The following MAGI2 variants were observed in gnomAD, a reference collection of about 807,000 sequenced individuals.
MAGI2 encodes the protein membrane-associated guanylate kinase, WW and PDZ domain-containing protein 2.
A neutral mutation model predicts 133.3 loss-of-function variants in MAGI2; 35 were observed. The ratio of observed to expected loss-of-function variants is 0.26; its 90% confidence interval spans 0.20 to 0.35. MAGI2 has a LOEUF of 0.35. Among genes scored for constraint, MAGI2 ranks in the 10% least tolerant of loss-of-function variants. The pLI is 1.00. For synonymous variants in MAGI2, 729 were observed against 710.6 expected (o/e 1.03, Z -0.41); for missense variants, 1,636 against 1,863.4 (o/e 0.88, Z 2.25).
chr7:78,780,578 C>A (rs1013421804), intron 2 of MAGI2, among the ~76,000 whole-genome samples: 3 of 152,184 alleles, frequency 2.0e-5, no homozygotes, highest in Admixed American at 6.5e-5. Context: ...TAAAAGAAAA[C>A]AAAACCCCAT....
In MAGI2 at chr7:78,861,683, A is replaced by G. The variant is rs184690846; in HGVS notation, c.418+145407T>C. Among the ~76,000 whole-genome samples the G allele has an allele frequency of 7.2e-4, 110 of 152,310 alleles. 1 individual carries two copies. Among genetic ancestry groups the G allele is most frequent in the African/African-American group, 2.5e-3 (105 of 41,568 alleles). ...TAAAAATAATGATAATGGTCAGGGC[A>G]TTTTCACATGATTGTTTTAAGGATG... On this transcript the variant is annotated intron_variant, in intron 2 of 21. Transcript: ENST00000354212.
At chr7:79,380,568 C>T (rs927394329) in intron 1 of MAGI2, among the ~76,000 whole-genome samples, 9 of 151,784 alleles carry the variant, frequency 5.9e-5, no homozygotes, top group Non-Finnish European at 8.8e-5. Context: ...TGTTAATCAT[C>T]CTAGTGATTT....
chr7:78,737,857 G>T (rs908711463), intron 2 of MAGI2, among the ~76,000 whole-genome samples: 2 of 151,880 alleles, frequency 1.3e-5, no homozygotes, highest in Non-Finnish European at 2.9e-5. Context: ...TATTTTTGGG[G>T]TCCTCATAAT....
chr7:79,229,524 C>T (rs1448163763), intron 1 of MAGI2, among the ~76,000 whole-genome samples: 3 of 152,102 alleles, frequency 2.0e-5, no homozygotes, highest in South Asian at 2.1e-4. Flanking sequence ...CAGTTACCAT[C>T]CCGGAGCCTA....
At chr7:79,147,237 T>C (rs1822735184) in intron 1 of MAGI2, among the ~76,000 whole-genome samples, 1 of 152,168 alleles carries the variant, frequency 6.6e-6, no homozygotes, top group Non-Finnish European at 1.5e-5. Flanking sequence ...ATGTTACTTT[T>C]TAAAAAAGAG....
At chr7:78,220,984 C>T (rs35299890) in intron 10 of MAGI2, among the ~76,000 whole-genome samples, 22,542 of 152,140 alleles carry the variant, frequency 0.15, 2,256 homozygotes, top group Middle Eastern at 0.26. Flanking sequence ...TTTACCCCTC[C>T]CACCTCTCTA....
chr7:78,959,432 A>G (rs1384761321), intron 2 of MAGI2, among the ~76,000 whole-genome samples: 2 of 152,170 alleles, frequency 1.3e-5, no homozygotes, highest in African/African-American at 4.8e-5. Context: ...TGTAAAATGC[A>G]TCACTACAAT....
intron 2 of MAGI2, among the ~76,000 whole-genome samples, chr7:78,702,260 T>C (rs1818157575): frequency 6.6e-6 from 1 of 152,004 alleles, no homozygotes; most frequent in African/African-American, 2.4e-5. Flanking sequence ...TAGAAAAAGG[T>C]ATGCAGGAGA....
intron 1 of MAGI2, among the ~76,000 whole-genome samples, chr7:79,237,164 G>A (rs1831988869): frequency 6.6e-6 from 1 of 152,172 alleles, no homozygotes; most frequent in Non-Finnish European, 1.5e-5. Flanking sequence ...ATTAAAATGG[G>A]TCTTTACAAA....
chr7:78,668,381 G>C lies in MAGI2; in HGVS notation c.419-41142C>G, dbSNP rs552158964. Reference sequence around the variant, plus strand: ...TGATGGTAGTTTCTTTTGCTGTGCAGAAGCTCTTTAGTTTAATTAGATCCC... The same window carrying C: ...TGATGGTAGTTTCTTTTGCTGTGCACAAGCTCTTTAGTTTAATTAGATCCC... On this transcript the variant is annotated intron_variant, in intron 2 of 21. Coordinates refer to ENST00000354212, the MANE Select transcript of MAGI2 (RefSeq NM_012301.4). Among the ~76,000 whole-genome samples, 157 of 151,030 alleles carry C rather than the reference G, an allele frequency of 1.0e-3. 1 individual carries two copies. The highest frequency in any genetic ancestry group is 3.4e-3 in the African/African-American group (140 of 40,838).
At chr7:79,036,416 A>G (rs1393621930) in intron 1 of MAGI2, among the ~76,000 whole-genome samples, 12 of 152,194 alleles carry the variant, frequency 7.9e-5, no homozygotes. Flanking sequence ...CTGAGGATTA[A>G]TGATCCTGGC....
intron 2 of MAGI2, among the ~76,000 whole-genome samples, chr7:78,923,260 T>G (rs992584708): frequency 7.2e-5 from 11 of 152,232 alleles, no homozygotes; most frequent in African/African-American, 2.7e-4. Flanking sequence ...TGACATGAAG[T>G]CCTTGCCCAT....
In MAGI2 at chr7:78,043,695, G is replaced by A. The variant is rs11763566; in HGVS notation, c.3707-23719C>T. ...GTCTTCACGGTCAACTTTTCACATCGTCGTTTGCTTAGGAAAGAGTGAAGA... is the reference window on the plus strand; with the variant it reads ...GTCTTCACGGTCAACTTTTCACATCATCGTTTGCTTAGGAAAGAGTGAAGA... On this transcript the variant is annotated intron_variant, in intron 21 of 21. Transcript: ENST00000354212. Among the ~76,000 whole-genome samples the A allele has an allele frequency of 3.3e-5, 5 of 152,164 alleles. No individual in the cohort carries two copies. In the South Asian group the frequency reaches 6.2e-4, roughly 19 times the overall value.
intron 1 of MAGI2, among the ~76,000 whole-genome samples, chr7:79,028,259 A>C (rs1280142630): frequency 4.5e-5 from 1 of 22,080 alleles, no homozygotes; most frequent in Non-Finnish European, 1.1e-4. Flanking sequence ...ATATATATAT[A>C]TATATATATG....
intron 2 of MAGI2, among the ~76,000 whole-genome samples, chr7:78,845,118 A>G (rs6951658): frequency 0.063 from 9,594 of 152,028 alleles, 372 homozygotes; most frequent in Middle Eastern, 0.11. Flanking sequence ...TTTAACCACA[A>G]ATTAAAGTCT....
intron 2 of MAGI2, among the ~76,000 whole-genome samples, chr7:78,941,735 C>CACACAA (rs775315863): frequency 0.13 from 17,710 of 134,830 alleles, 1,064 homozygotes; most frequent in South Asian, 0.25. Flanking sequence ...TCATCACACA[C>CACACAA]ACACACACAC....
At chr7:78,835,596 T>C (rs1791551100) in intron 2 of MAGI2, among the ~76,000 whole-genome samples, 1 of 152,160 alleles carries the variant, frequency 6.6e-6, no homozygotes, top group East Asian at 1.9e-4. Context: ...TGTGTAACAA[T>C]GTGATCACAA....
chr7:79,130,456 C>T (rs1036555886), intron 1 of MAGI2, among the ~76,000 whole-genome samples: 3 of 152,196 alleles, frequency 2.0e-5, no homozygotes, highest in Middle Eastern at 3.4e-3. Flanking sequence ...GCAATGCTGC[C>T]GCAACTGATT....
chr7:78,774,977 T>C (rs1013635702), intron 2 of MAGI2, among the ~76,000 whole-genome samples: 1 of 152,156 alleles, frequency 6.6e-6, no homozygotes, highest in Admixed American at 6.5e-5. Flanking sequence ...CAGTAGAGGA[T>C]ATATATTTGG....
Sources: gnomAD v4.1 joint callset for allele counts (sites outside exome capture counted in the v4.1 genomes callset) on GRCh38, gnomAD v4.1.1 for gene constraint, MANE v1.5 for transcripts, NCBI Gene and HGNC (gene_info 2026-07-23, HGNC 2026-07-21) for gene names.